TRIM35: variants seen among roughly 807,000 people sequenced by gnomAD.
The protein encoded by TRIM35 is E3 ubiquitin-protein ligase TRIM35.
In TRIM35, 37 loss-of-function variants were observed where a neutral mutation model predicts 49.1. That is an observed-to-expected ratio of 0.75 (90% confidence interval 0.58 to 0.99). The LOEUF (loss-of-function observed/expected upper bound fraction) is 0.99. Ranked by LOEUF, TRIM35 falls within the 50% of genes least tolerant of loss-of-function variation. The pLI is 0.00. For missense variants in TRIM35, 648 were observed against 702.7 expected, an observed-to-expected ratio of 0.92 and a Z score of 0.88; for synonymous variants, 302 against 289.3, an observed-to-expected ratio of 1.04 and a Z score of -0.45.
rs537589331 is a variant in TRIM35, at chr8:27,303,509, T to C, written c.436-4950A>G. On this transcript the variant is annotated intron_variant, in intron 1 of 5. Coordinates refer to ENST00000305364, the MANE Select transcript of TRIM35 (RefSeq NM_171982.5). ...AATTTTAACCCTAAATATGCTTAGA[T>C]TACAAATAGAACTACCACTCAAGGG... Among the ~76,000 whole-genome samples, 182 of 152,222 alleles carry C rather than the reference T, an allele frequency of 1.2e-3. 2 individuals are homozygous for C. The South Asian group carries it at 0.037, about 31-fold the overall frequency.
chr8:27,298,660 A>G, intron 1 of TRIM35, 101 bp from the exon 2 acceptor site: 1 of 931,796 alleles, frequency 1.1e-6, no homozygotes, highest in Non-Finnish European at 1.7e-6. Context: ...CCACTTCAAC[A>G]CAAGTGTAAC....
In TRIM35 at chr8:27,288,117, G is replaced by A. The variant is rs760039107; in HGVS notation, c.915C>T (p.Ser305=). The A allele has an allele frequency of 6.2e-6, 10 of 1,604,728 alleles. 1 individual carries two copies. The South Asian group carries it at 1.1e-4, about 18-fold the overall frequency. ...AGCCAGCTGCGGTGTTGGGGTCAAA[G>A]CTGAAGGGTACTGCAAGCAGAGGCG... ...MLASVESVPF[S]FDPNTAAGWL... The change falls in exon 6 of 6, where the codon AGC becomes AGT. Residue 305 remains serine (S), a synonymous_variant. Coordinates refer to ENST00000305364, the MANE Select transcript of TRIM35 (RefSeq NM_171982.5).
At chr8:27,303,037 C>T (rs1483293385) in intron 1 of TRIM35, among the ~76,000 whole-genome samples, 2 of 152,094 alleles carry the variant, frequency 1.3e-5, no homozygotes, top group Non-Finnish European at 2.9e-5. Flanking sequence ...CAATGTTTTG[C>T]CATTAAATGT....
chr8:27,294,995 G>T (rs548117304), intron 2 of TRIM35, among the ~76,000 whole-genome samples: 2 of 152,070 alleles, frequency 1.3e-5, no homozygotes, highest in East Asian at 3.9e-4. Context: ...GCTAATTTTT[G>T]TATTTTTTAG....
intron 1 of TRIM35, chr8:27,304,674 C>A: frequency 2.7e-6 from 1 of 366,656 alleles, no homozygotes. Flanking sequence ...CCCTGCATGT[C>A]CAAGTCCCTG....
At chr8:27,290,848 C>CA (rs1802438453) in intron 3 of TRIM35, among the ~76,000 whole-genome samples, 1 of 152,026 alleles carries the variant, frequency 6.6e-6, no homozygotes, top group African/African-American at 2.4e-5. Flanking sequence ...TCATAATCTC[C>CA]AATTTCAAGA....
chr8:27,289,379 C>T (rs1563437179), intron 4 of TRIM35, 99 bp from the exon 5 acceptor site: 1 of 975,080 alleles, frequency 1.0e-6, no homozygotes, highest in African/African-American at 1.6e-5. Context: ...GTTCCCTTCC[C>T]TCAGGCCCAA....
In TRIM35 at chr8:27,295,679, A is replaced by T. The variant is rs181251766; in HGVS notation, c.532-1369T>A. On this transcript the variant is annotated intron_variant, in intron 2 of 5. Transcript: ENST00000305364. ...TACTGTACTGAAGGGGAAAAACAGA[A>T]TGGTTGTATGGGTACTCAAAGTACA... Among the ~76,000 whole-genome samples, 124 of 152,306 alleles carry T rather than the reference A, an allele frequency of 8.1e-4. 1 individual carries two copies. The South Asian group carries it at 8.9e-3, about 11-fold the overall frequency.
rs111738517 is a variant in TRIM35 at position 27,286,575 on chromosome 8, A to G, written c.*975T>C. The G allele has an allele frequency of 4.9e-5, 10 of 205,330 alleles. No homozygotes were observed. In the East Asian group the frequency reaches 1.1e-3, roughly 24 times the overall value. The allele number at this position is 205,330 out of a possible 1,614,324, so 12.7% of individuals were successfully genotyped here. On this transcript the variant is annotated 3_prime_UTR_variant, in exon 6 of 6. Coordinates refer to ENST00000305364, the MANE Select transcript of TRIM35 (RefSeq NM_171982.5). ...CCTGGCAAGGAAATAGGCCGAAATCACGATTTAAAAAATGTTGTGTTTAAG... is the reference window on the plus strand; with the variant it reads ...CCTGGCAAGGAAATAGGCCGAAATCGCGATTTAAAAAATGTTGTGTTTAAG...
rs1243620863 is a variant in TRIM35, at chr8:27,285,057, G to T, written c.*2493C>A. The T allele has an allele frequency of 6.6e-6, 1 of 152,108 alleles. No homozygotes were observed. The highest frequency in any genetic ancestry group is 1.5e-5 in the Non-Finnish European group (1 of 68,022). 9.4% of individuals were successfully genotyped at this position (152,108 alleles called of 1,614,324 possible). A position where few individuals can be genotyped will look rare whatever the true frequency, so the allele number is the denominator to read the frequency against. ...TAACCCAATTAAAAAATGAGCAAGTGATCTAAAGATAGCTGTCCTAAGAAG... is the reference window on the plus strand; with the variant it reads ...TAACCCAATTAAAAAATGAGCAAGTTATCTAAAGATAGCTGTCCTAAGAAG... On this transcript the variant is annotated 3_prime_UTR_variant, in exon 6 of 6. Coordinates refer to ENST00000305364, the MANE Select transcript of TRIM35 (RefSeq NM_171982.5).
chr8:27,307,545 G>C (rs1316265026), intron 1 of TRIM35, among the ~76,000 whole-genome samples: 1 of 152,164 alleles, frequency 6.6e-6, no homozygotes, highest in Non-Finnish European at 1.5e-5. Flanking sequence ...TGCCCACAAA[G>C]GCAAGGTCTA....
intron 1 of TRIM35, among the ~76,000 whole-genome samples, chr8:27,305,501 C>T (rs73681518): frequency 0.056 from 8,499 of 152,190 alleles, 770 homozygotes; most frequent in African/African-American, 0.19. Flanking sequence ...TAAGTCCTCA[C>T]CTAGAAGCTG....
At chr8:27,306,843 T>A (rs1802796840) in intron 1 of TRIM35, among the ~76,000 whole-genome samples, 1 of 152,238 alleles carries the variant, frequency 6.6e-6, no homozygotes, top group African/African-American at 2.4e-5. Flanking sequence ...AGAAGTATCT[T>A]GGCCAGGAGT....
intron 1 of TRIM35, chr8:27,304,756 T>C (rs779935927): frequency 4.5e-6 from 2 of 446,770 alleles, no homozygotes; most frequent in South Asian, 1.6e-5. Context: ...TTTTCTGCTA[T>C]ATACCTTGCC....
In TRIM35 at chr8:27,303,560, T is replaced by C. The variant is rs549038939; in HGVS notation, c.436-5001A>G. ...GCCTGCCTGTAGCCCAAGGAGCACA[T>C]GAATGAGCAGAGATGGGCAGTAGCA... On this transcript the variant is annotated intron_variant, in intron 1 of 5. Coordinates refer to ENST00000305364, the MANE Select transcript of TRIM35 (RefSeq NM_171982.5). Among the ~76,000 whole-genome samples, 18 of 152,326 alleles carry C rather than the reference T, an allele frequency of 1.2e-4. No individual in the cohort carries two copies. The East Asian group carries it at 3.3e-3, about 28-fold the overall frequency.
intron 1 of TRIM35, among the ~76,000 whole-genome samples, chr8:27,310,540 A>T (rs565799728): frequency 2.6e-5 from 4 of 152,378 alleles, no homozygotes; most frequent in Admixed American, 6.5e-5. Context: ...TTCAGAAGCA[A>T]GTGTCGCTGT....
chr8:27,304,738 C>A (rs766741307), intron 1 of TRIM35: 2 of 430,896 alleles, frequency 4.6e-6, no homozygotes, highest in Non-Finnish European at 9.1e-6. Flanking sequence ...ACATGGAATG[C>A]CTGTGTTTTT....
chr8:27,304,528 C>A (rs1439397184), intron 1 of TRIM35, among the ~76,000 whole-genome samples: 1 of 152,236 alleles, frequency 6.6e-6, no homozygotes, highest in Non-Finnish European at 1.5e-5. Context: ...TCTCAGCACT[C>A]ACTATCCAGG....
At chr8:27,306,815 C>T (rs1317156443) in intron 1 of TRIM35, among the ~76,000 whole-genome samples, 3 of 152,198 alleles carry the variant, frequency 2.0e-5, no homozygotes, top group African/African-American at 7.2e-5. Context: ...TCACTTGGAA[C>T]AGAGTAATGG....
Sources: gnomAD v4.1 joint callset for allele counts (sites outside exome capture counted in the v4.1 genomes callset) on GRCh38, gnomAD v4.1.1 for gene constraint, MANE v1.5 for transcripts, NCBI Gene and HGNC (gene_info 2026-07-23, HGNC 2026-07-21) for gene names.